Variants in IFI44L observed in about 807,000 individuals in gnomAD.
IFI44L encodes the protein interferon-induced protein 44-like.
IFI44L carries 40 observed loss-of-function variants against 39.3 expected under a neutral mutation model. That is an observed-to-expected ratio of 1.02 (90% CI 0.79 to 1.33). IFI44L has a LOEUF of 1.33. Ranked by LOEUF, IFI44L falls within the 40% of genes most tolerant of loss-of-function variation. The pLI is 0.00. For synonymous variants in IFI44L, 198 were observed against 182.3 expected (o/e 1.09, Z -0.69); for missense variants, 623 against 549.0 (o/e 1.13, Z -1.35).
chr1:78,639,334 C>A (rs147727485), intron 6 of IFI44L, among the ~76,000 whole-genome samples: 1 of 152,080 alleles, frequency 6.6e-6, no homozygotes, highest in Non-Finnish European at 1.5e-5. Flanking sequence ...AAGGGAAGGA[C>A]ATATCCATGG....
At chr1:78,625,790 T>A (rs1333135514) in intron 1 of IFI44L, 1 of 152,022 alleles carries the variant, frequency 6.6e-6, no homozygotes, top group Non-Finnish European at 1.5e-5. Flanking sequence ...ACTTATATGA[T>A]TTTTGTAACA....
At chr1:78,641,302 G>A (rs1646981348) in intron 7 of IFI44L, 133 bp from the exon 8 acceptor site, 1 of 913,768 alleles carries the variant, frequency 1.1e-6, no homozygotes, top group Non-Finnish European at 1.7e-6. Flanking sequence ...GCAATGATCT[G>A]AATTATTGTA....
intron 2 of IFI44L, 53 bp from the exon 3 acceptor site, chr1:78,628,898 C>A: frequency 8.3e-7 from 1 of 1,203,746 alleles, no homozygotes; most frequent in Non-Finnish European, 1.2e-6. Flanking sequence ...GACTTGGCCA[C>A]ATTTAACCAA....
chr1:78,635,524 C>T (rs1652915476), intron 5 of IFI44L, 35 bp downstream of exon 5: 15 of 1,588,316 alleles, frequency 9.4e-6, no homozygotes, highest in Non-Finnish European at 1.3e-5. Context: ...CATTTCAAAT[C>T]ATTTTCTTCA....
Position 78,637,058 on chromosome 1 carries a change from T to A in IFI44L, c.903T>A (p.Pro301=). 6.2e-7 allele frequency: 1 copy of A among 1,612,048 alleles called. No individual in the cohort carries two copies. The highest frequency in any genetic ancestry group is 2.2e-5 in the East Asian group (1 of 44,776). The change falls in exon 6 of 9, where the codon CCT becomes CCA. Residue 301 remains proline (P), a synonymous_variant. Transcript: ENST00000370751. ...TTAATTCCCGTAAACCAATTACACCTGAGCATTCTACTTTTATCACCTCTC... is the reference window on the plus strand; with the variant it reads ...TTAATTCCCGTAAACCAATTACACCAGAGCATTCTACTTTTATCACCTCTC... ...YQFNSRKPIT[P]EHSTFITSPS...
chr1:78,638,682 A>G (rs909037767), intron 6 of IFI44L, among the ~76,000 whole-genome samples: 3 of 151,866 alleles, frequency 2.0e-5, no homozygotes, highest in Non-Finnish European at 4.4e-5. Flanking sequence ...CAGGTCTTCT[A>G]TTTCTTTGCT....
intron 4 of IFI44L, among the ~76,000 whole-genome samples, chr1:78,630,935 G>A (rs770151009): frequency 2.6e-4 from 39 of 152,196 alleles, no homozygotes; most frequent in Middle Eastern, 3.4e-3. Flanking sequence ...CAGACATAGA[G>A]ACCTAAATAC....
In IFI44L at chr1:78,629,166, T is replaced by G. The variant is rs191783079; in HGVS notation, c.527+167T>G. Among the ~76,000 whole-genome samples, 36 of 152,274 alleles carry G rather than the reference T, an allele frequency of 2.4e-4. 1 individual carries two copies. The East Asian group carries it at 6.9e-3, about 29-fold the overall frequency. On this transcript the variant is annotated intron_variant, in intron 3 of 8. Coordinates refer to ENST00000370751, the MANE Select transcript of IFI44L (RefSeq NM_006820.4). Reference sequence around the variant, plus strand: ...CAAAAGCACTACTAACTATGAAACTTTAAATATCCACCTGATGACATTGAC... The same window carrying G: ...CAAAAGCACTACTAACTATGAAACTGTAAATATCCACCTGATGACATTGAC...
At chr1:78,637,620 A>G (rs1652999470) in intron 6 of IFI44L, among the ~76,000 whole-genome samples, 1 of 152,122 alleles carries the variant, frequency 6.6e-6, no homozygotes, top group Non-Finnish European at 1.5e-5. Context: ...GGCACCCACT[A>G]TTCCTCCACC....
rs972277055 is a variant in IFI44L at position 78,644,074 on chromosome 1, A to C, written c.*2265A>C. On this transcript the variant is annotated 3_prime_UTR_variant, in exon 9 of 9. Transcript: ENST00000370751. ...AAGTAGGGCATGATTTTCTCCATGT[A>C]ATCCAGGGAGAAAACAAGCCATGAC... 3.3e-5 allele frequency: 5 copies of C among 152,186 alleles called. No individual in the cohort carries two copies. Among genetic ancestry groups the C allele is most frequent in the African/African-American group, 1.2e-4 (5 of 41,456 alleles). 9.4% of individuals were successfully genotyped at this position (152,186 alleles called of 1,614,324 possible).
intron 1 of IFI44L, 42 bp from the exon 2 acceptor site, chr1:78,627,864 A>G: frequency 8.6e-7 from 1 of 1,160,700 alleles, no homozygotes; most frequent in Non-Finnish European, 1.2e-6. Context: ...ATAAGCTACT[A>G]TATTATATAA....
chr1:78,641,715 G>A, intron 8 of IFI44L, 60 bp from the exon 9 acceptor site: 3 of 1,609,508 alleles, frequency 1.9e-6, no homozygotes, highest in Non-Finnish European at 2.6e-6. Flanking sequence ...GCATGCCCTA[G>A]TCCTGAAAGC....
intron 1 of IFI44L, 128 bp from the exon 2 acceptor site, chr1:78,627,778 G>T: frequency 2.4e-6 from 1 of 412,938 alleles, no homozygotes; most frequent in Non-Finnish European, 4.2e-6. Flanking sequence ...TATATTTTTT[G>T]CCTTAACCAA....
Position 78,628,947 on chromosome 1 carries a change from A to G in IFI44L, c.479-4A>G, listed in dbSNP as rs1474900334. On this transcript the variant is annotated splice_polypyrimidine_tract_variant and splice_region_variant and intron_variant, in intron 2 of 8. Coordinates refer to ENST00000370751, the MANE Select transcript of IFI44L (RefSeq NM_006820.4). ...ATGTATTATGCTATGTTTATTTCCT[A>G]TAGGAATTAAGGATAACCTAGACGA... 5 of 1,538,794 alleles carry G rather than the reference A, an allele frequency of 3.2e-6. No individual in the cohort carries two copies. The highest frequency in any genetic ancestry group is 2.3e-5 in the South Asian group (2 of 88,788).
intron 2 of IFI44L, 57 bp from the exon 3 acceptor site, chr1:78,628,894 G>C: frequency 1.8e-6 from 2 of 1,136,828 alleles, no homozygotes; most frequent in South Asian, 2.5e-5. Context: ...AGTAGACTTG[G>C]CCACATTTAA....
In IFI44L at chr1:78,642,540, G is replaced by A. The variant is rs1646999822; in HGVS notation, c.*731G>A. On this transcript the variant is annotated 3_prime_UTR_variant, in exon 9 of 9. Coordinates refer to ENST00000370751, the MANE Select transcript of IFI44L (RefSeq NM_006820.4). The stretch of plus-strand genomic sequence containing the variant: ...GCTGAGATTGTGCCACTGTACTCTA[G>A]CCAGGGAGAAAGAGTGAGATCCTGG... 6.6e-6 allele frequency: 1 copy of A among 151,954 alleles called. No individual in the cohort carries two copies. The highest frequency in any genetic ancestry group is 2.4e-5 in the African/African-American group (1 of 41,472). The allele number at this position is 151,954 out of a possible 1,614,324, so 9.4% of individuals were successfully genotyped here. A position where few individuals can be genotyped will look rare whatever the true frequency, so the allele number is the denominator to read the frequency against.
At position 78,642,662 on chromosome 1, in the gene IFI44L, A is replaced by C. The variant is rs892311387; in HGVS notation, c.*853A>C. The C allele has an allele frequency of 2.0e-5, 3 of 152,152 alleles. No individual in the cohort carries two copies. The highest frequency in any genetic ancestry group is 7.2e-5 in the African/African-American group (3 of 41,442). 9.4% of individuals were successfully genotyped at this position (152,152 alleles called of 1,614,324 possible). A position where few individuals can be genotyped will look rare whatever the true frequency, so the allele number is the denominator to read the frequency against. On this transcript the variant is annotated 3_prime_UTR_variant, in exon 9 of 9. Coordinates refer to ENST00000370751, the MANE Select transcript of IFI44L (RefSeq NM_006820.4). ...TGGGGAGAGGAAATAAAAATAAAGA[A>C]GGAAGAGTGTTTCATTTATATCTGA...
intron 2 of IFI44L, 85 bp downstream of exon 2, chr1:78,628,478 G>A (rs1306900354): frequency 9.9e-6 from 8 of 806,628 alleles, no homozygotes; most frequent in Non-Finnish European, 1.2e-5. Context: ...ACAAGAGCAA[G>A]GAAAGTGAAA....
At position 78,628,192 on chromosome 1, in the gene IFI44L, A is replaced by G. The variant is rs2100483056; in HGVS notation, c.277A>G (p.Thr93Ala). 1 of 1,612,896 alleles carries G rather than the reference A, an allele frequency of 6.2e-7. No homozygotes were observed. The highest frequency in any genetic ancestry group is 8.5e-7 in the Non-Finnish European group (1 of 1,179,444). ...LWFSLQKKND[T>A]TEIETLLLNT... ...GTTTTCACTTCAAAAGAAAAATGAC[A>G]CCACTGAAATAGAAACTTTACTCTT... The change falls in exon 2 of 9, where the codon ACC becomes GCC. Residue 93 changes from threonine to alanine, a missense_variant. Physicochemically the swap from Thr to Ala is moderately conservative, Grantham distance 58. Transcript: ENST00000370751.
Sources: gnomAD v4.1 joint callset for allele counts (sites outside exome capture counted in the v4.1 genomes callset) on GRCh38, gnomAD v4.1.1 for gene constraint, MANE v1.5 for transcripts, NCBI Gene and HGNC (gene_info 2026-07-23, HGNC 2026-07-21) for gene names.